The following BRINP2 variants were observed in gnomAD, a reference collection of about 807,000 sequenced individuals.
The protein encoded by BRINP2 is BMP/retinoic acid inducible neural specific 2.
A neutral mutation model predicts 69.2 loss-of-function variants in BRINP2; 21 were observed. That is an observed-to-expected ratio of 0.30 (90% CI 0.22 to 0.44). The LOEUF (loss-of-function observed/expected upper bound fraction) is 0.44, where lower values mean the gene tolerates loss of function less well. Among genes scored for constraint, BRINP2 ranks in the 20% least tolerant of loss-of-function variants. The probability of loss-of-function intolerance (pLI) is 1.00; values close to 1 mark genes in which losing one functional copy is unlikely to be tolerated. For synonymous variants in BRINP2, 380 were observed against 394.1 expected, an observed-to-expected ratio of 0.96 and a Z score of 0.42; for missense variants, 877 against 986.0, an observed-to-expected ratio of 0.89 and a Z score of 1.48.
intron 4 of BRINP2, among the ~76,000 whole-genome samples, chr1:177,260,620 A>G (rs1471526054): frequency 6.6e-6 from 1 of 152,150 alleles, no homozygotes; most frequent in East Asian, 1.9e-4. Context: ...TTCAGCAACC[A>G]CCACCCTGAT....
At chr1:177,276,170 G>T (rs1444861621) in intron 5 of BRINP2, 28 bp from the exon 6 acceptor site, 3 of 1,592,888 alleles carry the variant, frequency 1.9e-6, no homozygotes, top group Non-Finnish European at 2.6e-6. Flanking sequence ...GTTCTTCCCA[G>T]AGATTCCTTG....
chr1:177,189,844 G>A (rs956145074), intron 1 of BRINP2, among the ~76,000 whole-genome samples: 3 of 152,040 alleles, frequency 2.0e-5, no homozygotes, highest in Non-Finnish European at 2.9e-5. Context: ...CCATCTTAAC[G>A]TTAAGTCATG....
chr1:177,234,977 A>C (rs1445667373), intron 2 of BRINP2, among the ~76,000 whole-genome samples: 2 of 152,224 alleles, frequency 1.3e-5, no homozygotes, highest in Non-Finnish European at 2.9e-5. Flanking sequence ...CTAAGAAAGA[A>C]TATCTGGAAT....
intron 4 of BRINP2, 46 bp downstream of exon 4, chr1:177,257,430 G>A: frequency 6.6e-7 from 1 of 1,511,828 alleles, no homozygotes; most frequent in Non-Finnish European, 8.9e-7. Flanking sequence ...GAAGCACTGA[G>A]GAACCAGGGG....
At chr1:177,271,593 A>G in intron 4 of BRINP2, among the ~76,000 whole-genome samples, 1 of 152,102 alleles carries the variant, frequency 6.6e-6, no homozygotes. Context: ...TAGTAATGAG[A>G]TTTGTCCCAG....
chr1:177,256,098 C>A lies in BRINP2; in HGVS notation c.449C>A (p.Ala150Asp), dbSNP rs150520860. ...KKYGTHFLLS[A>D]TLGGEESLTI... ...TACGGCACTCATTTCTTACTTTCTG[C>A]CACCCTTGGAGGTAAGCAACATCAC... Residue 150 changes from alanine to aspartate, a missense_variant, in exon 3 of 8, where the codon GCC (alanine) becomes GAC (aspartate). This residue lies in a region of BRINP2 where 566 missense variants were observed against 625.2 expected (regional missense o/e 0.91). Coordinates refer to ENST00000361539, the MANE Select transcript of BRINP2 (RefSeq NM_021165.4). 2 of 1,613,736 alleles carry A rather than the reference C, an allele frequency of 1.2e-6. No homozygotes were observed. Among genetic ancestry groups the A allele is most frequent in the Non-Finnish European group, 8.5e-7 (1 of 1,179,816 alleles).
intron 2 of BRINP2, among the ~76,000 whole-genome samples, chr1:177,238,884 T>C (rs1183573620): frequency 6.6e-6 from 1 of 152,222 alleles, no homozygotes; most frequent in Non-Finnish European, 1.5e-5. Context: ...TTTATTAACA[T>C]TAATTAAAAT....
intron 1 of BRINP2, among the ~76,000 whole-genome samples, chr1:177,210,055 C>T (rs1262417084): frequency 3.3e-5 from 5 of 152,048 alleles, no homozygotes; most frequent in African/African-American, 4.8e-5. Context: ...TAGAACAGTG[C>T]GTACTTTTAT....
At chr1:177,204,041 A>T (rs933465062) in intron 1 of BRINP2, among the ~76,000 whole-genome samples, 2 of 152,184 alleles carry the variant, frequency 1.3e-5, no homozygotes, top group African/African-American at 2.4e-5. Context: ...AAGGCACCAG[A>T]TCCCTAGCTT....
At chr1:177,195,207 G>T (rs1459100500) in intron 1 of BRINP2, among the ~76,000 whole-genome samples, 1 of 151,866 alleles carries the variant, frequency 6.6e-6, no homozygotes, top group Non-Finnish European at 1.5e-5. Context: ...ACAAATATTT[G>T]CCACCATTAA....
intron 1 of BRINP2, among the ~76,000 whole-genome samples, chr1:177,209,682 C>T: frequency 6.6e-6 from 1 of 152,124 alleles, no homozygotes; most frequent in East Asian, 1.9e-4. Flanking sequence ...GTCTGACCAG[C>T]TGTTCAAATT....
intron 4 of BRINP2, among the ~76,000 whole-genome samples, chr1:177,270,323 T>C (rs1373328182): frequency 6.6e-6 from 1 of 152,196 alleles, no homozygotes; most frequent in Non-Finnish European, 1.5e-5. Flanking sequence ...ATGAGGATCA[T>C]GGTCTTTGTC....
intron 1 of BRINP2, among the ~76,000 whole-genome samples, chr1:177,200,573 G>T (rs886748350): frequency 6.6e-6 from 1 of 151,672 alleles, no homozygotes; most frequent in African/African-American, 2.4e-5. Flanking sequence ...TTCCTCCCTC[G>T]GCTTGTCATA....
intron 2 of BRINP2, among the ~76,000 whole-genome samples, chr1:177,238,840 T>G (rs1239346954): frequency 6.6e-6 from 1 of 152,246 alleles, no homozygotes. Flanking sequence ...TAATATATAT[T>G]AAATGCTCAT....
intron 1 of BRINP2, among the ~76,000 whole-genome samples, chr1:177,181,096 C>G (rs566520149): frequency 6.6e-6 from 1 of 152,192 alleles, no homozygotes; most frequent in South Asian, 2.1e-4. Context: ...AAAATGGGTA[C>G]AGAGAGGTTA....
At chr1:177,182,105 G>C (rs1053005664) in intron 1 of BRINP2, among the ~76,000 whole-genome samples, 1 of 149,960 alleles carries the variant, frequency 6.7e-6, no homozygotes, top group Non-Finnish European at 1.5e-5. Context: ...TCCTGGTGCC[G>C]TCCCTCCCTC....
chr1:177,234,907 C>A (rs907608464), intron 2 of BRINP2, among the ~76,000 whole-genome samples: 4 of 152,108 alleles, frequency 2.6e-5, no homozygotes, highest in African/African-American at 9.7e-5. Flanking sequence ...GTAGGGCTAC[C>A]AGGGATAGAA....
chr1:177,189,935 C>G (rs1195132604), intron 1 of BRINP2, among the ~76,000 whole-genome samples: 9 of 152,194 alleles, frequency 5.9e-5, no homozygotes, highest in African/African-American at 2.2e-4. Context: ...TCAGTGTGCT[C>G]TCAGCCAAGA....
chr1:177,196,891 G>C (rs1028676833), intron 1 of BRINP2, among the ~76,000 whole-genome samples: 1 of 152,010 alleles, frequency 6.6e-6, no homozygotes, highest in Non-Finnish European at 1.5e-5. Flanking sequence ...GTGCTGAAAA[G>C]AAGAAAAAAA....
Sources: allele counts gnomAD v4.1 joint callset (sites outside exome capture counted in the v4.1 genomes callset), GRCh38; gene constraint gnomAD v4.1.1; regional missense constraint gnomAD v4.1.1; transcripts MANE v1.5; gene names NCBI Gene and HGNC (gene_info 2026-07-23, HGNC 2026-07-21).